The following MOK variants were observed in gnomAD, a reference collection of about 807,000 sequenced individuals.
MOK encodes MOK protein kinase, also known as MAPK/MAK/MRK overlapping kinase.
In MOK, 59 loss-of-function variants were observed where a neutral mutation model predicts 54.2. That is an observed-to-expected ratio of 1.09 (90% confidence interval 0.88 to 1.35). MOK has a LOEUF of 1.35. Ranked by LOEUF, MOK falls within the 40% of genes most tolerant of loss-of-function variation. The pLI is 0.00. For missense variants in MOK, 517 were observed against 526.2 expected, an observed-to-expected ratio of 0.98 and a Z score of 0.17; for synonymous variants, 210 against 202.7, an observed-to-expected ratio of 1.04 and a Z score of -0.31.
Position 102,232,469 on chromosome 14 carries a change from C to G in MOK, c.866+66G>C. ...TCCAGGGGGCAGTACCTTGCCCCACCATGTGCCCATGGGTCTCATTTGCCA... is the reference window on the plus strand; with the variant it reads ...TCCAGGGGGCAGTACCTTGCCCCACGATGTGCCCATGGGTCTCATTTGCCA... On this transcript the variant is annotated intron_variant, in intron 9 of 11. Transcript: ENST00000361847. This position sits in a 1 kb window ranked among gnomAD's most constrained non-coding sequence, Gnocchi z 5.1. 6.5e-7 allele frequency: 1 copy of G among 1,537,006 alleles called. No individual in the cohort carries two copies. The highest frequency in any genetic ancestry group is 8.8e-7 in the Non-Finnish European group (1 of 1,131,020).
chr14:102,244,560 T>C (rs528143593), intron 7 of MOK, among the ~76,000 whole-genome samples: 88 of 152,286 alleles, frequency 5.8e-4, no homozygotes, highest in South Asian at 1.9e-3. Context: ...GCCCCCTCCC[T>C]TCCCTACACA....
intron 1 of MOK, among the ~76,000 whole-genome samples, chr14:102,285,535 AT>A (rs2069948018): frequency 6.6e-6 from 1 of 152,212 alleles, no homozygotes; most frequent in African/African-American, 2.4e-5. Flanking sequence ...AACACAAAAA[AT>A]GTCCTTATCT....
At chr14:102,279,921 T>C (rs2069241702) in intron 2 of MOK, among the ~76,000 whole-genome samples, 1 of 152,008 alleles carries the variant, frequency 6.6e-6, no homozygotes, top group South Asian at 2.1e-4. Flanking sequence ...GAAGTAATAC[T>C]GGAGGGGGTA....
At chr14:102,228,572 T>C (rs111517520), downstream of MOK, among the ~76,000 whole-genome samples, 8,764 of 151,878 alleles carry the variant, frequency 0.058, 320 homozygotes, top group African/African-American at 0.11. Flanking sequence ...TGGTGGTGCA[T>C]GCACGTAATC....
intron 4 of MOK, among the ~76,000 whole-genome samples, chr14:102,253,944 T>C (rs776992603): frequency 6.6e-6 from 1 of 152,148 alleles, no homozygotes; most frequent in East Asian, 1.9e-4. Flanking sequence ...ATATAAATAA[T>C]AGAAAGTAAT....
chr14:102,232,113 G>A lies in MOK; in HGVS notation c.867-292C>T, dbSNP rs1278984961. On this transcript the variant is annotated intron_variant, in intron 9 of 11. Coordinates refer to ENST00000361847, the MANE Select transcript of MOK (RefSeq NM_014226.3). This position sits in a 1 kb window ranked among gnomAD's most constrained non-coding sequence, Gnocchi z 5.1. Reference sequence around the variant, plus strand: ...GGCAAACAGGAGTGTCCAGAGGTCCGGAATTAGGTGACCTCAGGGCAGACA... The same window carrying A: ...GGCAAACAGGAGTGTCCAGAGGTCCAGAATTAGGTGACCTCAGGGCAGACA... 3 of 383,816 alleles carry A rather than the reference G, an allele frequency of 7.8e-6. No homozygotes were observed. The highest frequency in any genetic ancestry group is 9.3e-6 in the Non-Finnish European group (2 of 214,268). 23.8% of individuals were successfully genotyped at this position (383,816 alleles called of 1,614,324 possible).
At chr14:102,262,594 C>T (rs184778287) in intron 4 of MOK, among the ~76,000 whole-genome samples, 3 of 152,346 alleles carry the variant, frequency 2.0e-5, no homozygotes. Flanking sequence ...CACTATCCAA[C>T]TTCATAAAAA....
At chr14:102,263,452 T>C (rs1001243682) in intron 4 of MOK, 94 bp downstream of exon 4, 1 of 899,210 alleles carries the variant, frequency 1.1e-6, no homozygotes, top group African/African-American at 1.7e-5. Flanking sequence ...ACTACAGCAC[T>C]ATGGTGACTA....
At chr14:102,247,757 T>G (rs1427907865) in intron 7 of MOK, among the ~76,000 whole-genome samples, 2 of 152,194 alleles carry the variant, frequency 1.3e-5, no homozygotes, top group East Asian at 3.8e-4. Flanking sequence ...CAGTGTTGCT[T>G]TTATCGTAAC....
intron 2 of MOK, among the ~76,000 whole-genome samples, chr14:102,266,429 T>G (rs1013787305): frequency 2.0e-5 from 3 of 150,262 alleles, no homozygotes; most frequent in African/African-American, 7.3e-5. Context: ...CTTAGCCTCC[T>G]GAGTAGCTGG....
chr14:102,229,244 C>T lies in MOK; in HGVS notation c.*45G>A, dbSNP rs1367489080. 25 of 1,535,620 alleles carry T rather than the reference C, an allele frequency of 1.6e-5. No individual in the cohort carries two copies. The highest frequency in any genetic ancestry group is 2.7e-5 in the African/African-American group (2 of 72,946). On this transcript the variant is annotated 3_prime_UTR_variant, in exon 12 of 12. Transcript: ENST00000361847. ...GCAGATCACCCAGGCCTGGCCCGGT[C>T]GGGCTTGGTGTTGCCTCCGAAGTCG...
intron 2 of MOK, among the ~76,000 whole-genome samples, chr14:102,272,946 C>T (rs2068502937): frequency 6.6e-6 from 1 of 152,090 alleles, no homozygotes; most frequent in Admixed American, 6.6e-5. Flanking sequence ...CCAAGGTGGG[C>T]AGATCACAAA....
chr14:102,303,974 G>C (rs544479973), intron 1 of MOK, among the ~76,000 whole-genome samples: 1 of 152,352 alleles, frequency 6.6e-6, no homozygotes, highest in East Asian at 1.9e-4. Context: ...AGTCTGCACT[G>C]TAAGTAAAAG....
chr14:102,222,248 G>A (rs900658697), downstream of MOK, among the ~76,000 whole-genome samples: 1 of 152,134 alleles, frequency 6.6e-6, no homozygotes, highest in East Asian at 1.9e-4. The surrounding 1 kb of genome is among the most constrained non-coding windows in gnomAD (Gnocchi z 4.4). Flanking sequence ...GGGCTCCCCC[G>A]ACCTCGGCCT....
chr14:102,300,992 G>A (rs949819402), intron 1 of MOK, among the ~76,000 whole-genome samples: 9 of 152,140 alleles, frequency 5.9e-5, no homozygotes, highest in African/African-American at 2.2e-4. Flanking sequence ...CTACTCAGGA[G>A]GCTGAGACAG....
intron 4 of MOK, among the ~76,000 whole-genome samples, chr14:102,254,823 T>C (rs1236580262): frequency 6.6e-6 from 1 of 152,178 alleles, no homozygotes; most frequent in East Asian, 1.9e-4. Context: ...AATTCCCTCA[T>C]GGACTCTTCT....
rs1463779014 is a variant in MOK, at chr14:102,232,173, G to A, written c.867-352C>T. 5 of 329,566 alleles carry A rather than the reference G, an allele frequency of 1.5e-5. No homozygotes were observed. The East Asian group carries it at 2.1e-4, about 14-fold the overall frequency. 20.4% of individuals were successfully genotyped at this position (329,566 alleles called of 1,614,324 possible). On this transcript the variant is annotated intron_variant, in intron 9 of 11. Coordinates refer to ENST00000361847, the MANE Select transcript of MOK (RefSeq NM_014226.3). This position sits in a 1 kb window ranked among gnomAD's most constrained non-coding sequence, Gnocchi z 5.1. ...TTCACATTCAGCAGGTACTTCCAGC[G>A]CCAGGTGACATCCACAGTGCTCTAC...
intron 2 of MOK, among the ~76,000 whole-genome samples, chr14:102,277,613 G>A (rs1483103307): frequency 3.4e-5 from 5 of 146,800 alleles, no homozygotes; most frequent in East Asian, 4.0e-4. Flanking sequence ...GCAAGACTCC[G>A]TCTCAAAAAA....
downstream of MOK, among the ~76,000 whole-genome samples, chr14:102,220,537 A>G (rs142067156): frequency 4.5e-3 from 691 of 152,228 alleles, 6 homozygotes; most frequent in African/African-American, 0.015. This position sits in a 1 kb window ranked among gnomAD's most constrained non-coding sequence, Gnocchi z 4.2. Context: ...CCATCCTAAC[A>G]GTGAAACCCC....
Sources: gnomAD v4.1 joint callset for allele counts (sites outside exome capture counted in the v4.1 genomes callset) on GRCh38, gnomAD v4.1.1 for gene constraint, Gnocchi (gnomAD v3.1) non-coding constraint, MANE v1.5 for transcripts, NCBI Gene and HGNC (gene_info 2026-07-23, HGNC 2026-07-21) for gene names.